Variants in ROBO1 observed in about 807,000 individuals in gnomAD.
The protein encoded by ROBO1 is roundabout guidance receptor 1.
In ROBO1, 149 loss-of-function variants were observed where a neutral mutation model predicts 195.9. The ratio of observed to expected loss-of-function variants is 0.76; its 90% CI spans 0.67 to 0.87. The LOEUF is 0.87. Ranked by LOEUF, ROBO1 falls within the 40% of genes least tolerant of loss-of-function variation. The probability of loss-of-function intolerance (pLI) is 0.00; values close to 1 mark genes in which losing one functional copy is unlikely to be tolerated. For synonymous variants in ROBO1, 816 were observed against 733.2 expected (o/e 1.11, Z -1.82); for missense variants, 1,933 against 2,068.3 (o/e 0.93, Z 1.27).
intron 2 of ROBO1, among the ~76,000 whole-genome samples, chr3:79,309,534 A>C (rs973034928): frequency 2.0e-5 from 3 of 152,154 alleles, no homozygotes; most frequent in Non-Finnish European, 2.9e-5. Flanking sequence ...TTAGCCTAGA[A>C]GGTTGAGGCT....
At chr3:79,686,437 G>C (rs1365713057) in intron 1 of ROBO1, among the ~76,000 whole-genome samples, 3 of 152,146 alleles carry the variant, frequency 2.0e-5, no homozygotes, top group East Asian at 1.9e-4. Flanking sequence ...AATTGTCCCT[G>C]TTTGCAGATG....
intron 2 of ROBO1, among the ~76,000 whole-genome samples, chr3:79,247,060 C>T (rs1054748435): frequency 2.0e-5 from 3 of 150,748 alleles, no homozygotes; most frequent in Admixed American, 2.0e-4. Context: ...TCCTCTAATG[C>T]TCTGTGGATC....
intron 2 of ROBO1, among the ~76,000 whole-genome samples, chr3:79,496,547 C>A (rs1939755615): frequency 6.7e-6 from 1 of 148,424 alleles, no homozygotes; most frequent in East Asian, 2.0e-4. Context: ...CCGCGCCCGG[C>A]TAATTTTTTG....
At chr3:79,559,701 G>A (rs1022241529) in intron 2 of ROBO1, among the ~76,000 whole-genome samples, 1 of 152,050 alleles carries the variant, frequency 6.6e-6, no homozygotes, top group African/African-American at 2.4e-5. Context: ...GGCAGATTAC[G>A]AGGTCAGGAT....
intron 3 of ROBO1, among the ~76,000 whole-genome samples, chr3:78,984,946 C>T (rs1230260302): frequency 6.6e-6 from 1 of 152,170 alleles, no homozygotes; most frequent in East Asian, 1.9e-4. Flanking sequence ...TCTCCTCCTC[C>T]TAGCCTACTC....
intron 4 of ROBO1, among the ~76,000 whole-genome samples, chr3:78,887,479 G>A (rs1025040787): frequency 3.3e-5 from 5 of 152,140 alleles, no homozygotes; most frequent in Non-Finnish European, 7.3e-5. Context: ...CAGCTGAGCC[G>A]ATACTTAAAG....
intron 2 of ROBO1, among the ~76,000 whole-genome samples, chr3:79,201,012 T>C (rs1459307728): frequency 6.6e-6 from 1 of 151,904 alleles, no homozygotes; most frequent in Non-Finnish European, 1.5e-5. Flanking sequence ...CCGGATCCTG[T>C]AGGAAATATT....
chr3:79,452,015 T>G (rs909538861), intron 2 of ROBO1, among the ~76,000 whole-genome samples: 7 of 152,000 alleles, frequency 4.6e-5, no homozygotes, highest in Non-Finnish European at 1.5e-5. Context: ...CTTATGCAAC[T>G]TTTTTTTATT....
At chr3:78,721,307 C>G (rs2082040178) in intron 5 of ROBO1, among the ~76,000 whole-genome samples, 1 of 152,072 alleles carries the variant, frequency 6.6e-6, no homozygotes, top group Admixed American at 6.6e-5. Context: ...GGAACACTCG[C>G]ATAAGCATTT....
chr3:79,008,161 C>A (rs1032092040), intron 3 of ROBO1, among the ~76,000 whole-genome samples: 1 of 152,158 alleles, frequency 6.6e-6, no homozygotes, highest in Non-Finnish European at 1.5e-5. Flanking sequence ...AAATGCAATT[C>A]TCCCTTCTTT....
chr3:78,866,982 G>A lies in ROBO1; in HGVS notation c.499+71619C>T, dbSNP rs369949449. On this transcript the variant is annotated intron_variant, in intron 4 of 30. Transcript: ENST00000464233. ...TTCAGTTACCACTAACCAAGAATGC[G>A]ATTACAAGAAGACAAAAATTTCCAC... is the stretch of plus-strand genomic sequence containing the variant. Among the ~76,000 whole-genome samples, 54 of 152,272 alleles carry A rather than the reference G, an allele frequency of 3.5e-4. No homozygotes were observed. The South Asian group carries it at 5.0e-3, about 14-fold the overall frequency.
At chr3:78,976,787 T>C (rs890518078) in intron 3 of ROBO1, among the ~76,000 whole-genome samples, 9 of 152,080 alleles carry the variant, frequency 5.9e-5, no homozygotes, top group Non-Finnish European at 1.2e-4. Context: ...TAATAATGAG[T>C]CCAGCAATTA....
At chr3:78,996,589 A>G (rs2077371958) in intron 3 of ROBO1, among the ~76,000 whole-genome samples, 1 of 152,118 alleles carries the variant, frequency 6.6e-6, no homozygotes. Context: ...AATTTAGTCG[A>G]CAAGGAACGG....
At chr3:79,049,144 A>C (rs1277161161) in intron 3 of ROBO1, among the ~76,000 whole-genome samples, 6 of 152,242 alleles carry the variant, frequency 3.9e-5, no homozygotes, top group Admixed American at 1.3e-4. Flanking sequence ...GAAGCTAAAA[A>C]TCTTGAAAAA....
intron 1 of ROBO1, among the ~76,000 whole-genome samples, chr3:79,595,716 T>G (rs1333496299): frequency 6.7e-6 from 1 of 150,372 alleles, no homozygotes; most frequent in Non-Finnish European, 1.5e-5. Flanking sequence ...CTTCTCTTTT[T>G]CTTTTTACTT....
At chr3:78,660,024 G>A (rs373834078) in intron 16 of ROBO1, 26 of 308,288 alleles carry the variant, frequency 8.4e-5, no homozygotes, top group African/African-American at 4.0e-4. Flanking sequence ...GGGTTCAAGC[G>A]ATTCTCCTGC....
At chr3:79,549,750 C>T (rs1324851853) in intron 2 of ROBO1, among the ~76,000 whole-genome samples, 1 of 152,104 alleles carries the variant, frequency 6.6e-6, no homozygotes, top group Non-Finnish European at 1.5e-5. Flanking sequence ...TCCGTAGACA[C>T]AAAGGGATGA....
intron 2 of ROBO1, among the ~76,000 whole-genome samples, chr3:79,195,254 A>G (rs2081613052): frequency 6.6e-6 from 1 of 151,650 alleles, no homozygotes; most frequent in Non-Finnish European, 1.5e-5. Context: ...GATAATGTAC[A>G]TAAAACTGTA....
At chr3:79,474,690 C>T (rs1938457242) in intron 2 of ROBO1, among the ~76,000 whole-genome samples, 1 of 152,002 alleles carries the variant, frequency 6.6e-6, no homozygotes, top group Non-Finnish European at 1.5e-5. Flanking sequence ...AAAAAAGAAA[C>T]AATTTGTGGT....
Sources: allele counts gnomAD v4.1 joint callset (sites outside exome capture counted in the v4.1 genomes callset), GRCh38; gene constraint gnomAD v4.1.1; transcripts MANE v1.5; gene names NCBI Gene and HGNC (gene_info 2026-07-23, HGNC 2026-07-21).